Variants in IRAK3 observed in about 807,000 individuals in gnomAD.
The protein encoded by IRAK3 is interleukin-1 receptor-associated kinase 3.
In IRAK3, 57 loss-of-function variants were observed where a neutral mutation model predicts 56.6. The observed-to-expected ratio is 1.01, with a 90% CI of 0.81 to 1.26. The LOEUF (loss-of-function observed/expected upper bound fraction) is 1.26. Ranked by LOEUF, IRAK3 falls within the 50% of genes most tolerant of loss-of-function variation. The pLI is 0.00. For synonymous variants in IRAK3, 258 were observed against 255.7 expected, an observed-to-expected ratio of 1.01 and a Z score of -0.09; for missense variants, 703 against 719.0, an observed-to-expected ratio of 0.98 and a Z score of 0.25.
intron 6 of IRAK3, among the ~76,000 whole-genome samples, chr12:66,223,941 G>T (rs1259263067): frequency 4.6e-5 from 7 of 151,566 alleles, no homozygotes. Context: ...ACATTTATTT[G>T]TCTGATCCAT....
At position 66,247,759 on chromosome 12, in the gene IRAK3, T is replaced by G. The variant is rs893277456; in HGVS notation, c.1379T>G (p.Leu460Arg). The G allele has an allele frequency of 1.9e-6, 3 of 1,614,064 alleles. No individual in the cohort carries two copies. Among genetic ancestry groups the G allele is most frequent in the African/African-American group, 2.7e-5 (2 of 74,934 alleles). Residue 460 changes from leucine to arginine, a missense_variant, in exon 12 of 12, where the codon CTA (leucine) becomes CGA (arginine). Transcript: ENST00000261233. ...TTTGCTGAAGATCCTCCCACATCAC[T>G]AAAGTCCTTCAGGTGTCCTTCTCCT... Reference protein sequence around the residue: ...LYFAEDPPTSLKSFRCPSPLF... With the variant: ...LYFAEDPPTSRKSFRCPSPLF...
intron 8 of IRAK3, chr12:66,235,353 G>C (rs1020284543): frequency 5.8e-5 from 60 of 1,041,760 alleles, no homozygotes; most frequent in Admixed American, 4.5e-4. Context: ...CTCGCCGCGA[G>C]GGGGAGGACG....
chr12:66,238,413 A>G (rs533422180), intron 8 of IRAK3, among the ~76,000 whole-genome samples: 1 of 152,150 alleles, frequency 6.6e-6, no homozygotes, highest in Non-Finnish European at 1.5e-5. Context: ...AGGCTTACAG[A>G]GATTAGTGAC....
In IRAK3 at chr12:66,253,803, T is replaced by C. The variant is rs140692704; in HGVS notation, c.*5632T>C. The C allele has an allele frequency of 5.3e-5, 8 of 151,528 alleles. No homozygotes were observed. The East Asian group carries it at 1.5e-3, about 29-fold the overall frequency. 9.4% of individuals were successfully genotyped at this position (151,528 alleles called of 1,614,324 possible). ...AAACAACCTATTGAGCCGGTTTCCA[T>C]TTCCTTGATCTATTAGATTTAAAAA... On this transcript the variant is annotated 3_prime_UTR_variant, in exon 12 of 12. Transcript: ENST00000261233.
At chr12:66,224,120 A>G (rs2052763012) in intron 6 of IRAK3, among the ~76,000 whole-genome samples, 1 of 152,014 alleles carries the variant, frequency 6.6e-6, no homozygotes, top group Non-Finnish European at 1.5e-5. Flanking sequence ...TATTTTGCTA[A>G]TATTTATTTT....
Position 66,209,100 on chromosome 12 carries a change from T to G in IRAK3, c.317-356T>G, listed in dbSNP as rs577197942. On this transcript the variant is annotated intron_variant, in intron 2 of 11. Transcript: ENST00000261233. ...AAAAAAAAAAAAAGGCTGATAATTT[T>G]TTTTAAATTTTCTTCTTTGTGCTTT... 3.7e-4 allele frequency among the ~76,000 whole-genome samples: 56 copies of G among 151,860 alleles called. 1 individual carries two copies. In the South Asian group the frequency reaches 0.012, roughly 31 times the overall value.
In IRAK3 at chr12:66,248,109, G is replaced by A. The variant is rs1469097756; in HGVS notation, c.1729G>A (p.Val577Met). ...AGGGCATTCTTGCAGGAGCAGGCCA[G>A]TGGAGAGCAGCTGTTCCTCCAAATT... is the stretch of plus-strand genomic sequence containing the variant. Reference protein sequence around the residue: ...APGHSCRSRPVESSCSSKFSW... With the variant: ...APGHSCRSRPMESSCSSKFSW... The change falls in exon 12 of 12, where the codon GTG becomes ATG. Residue 577 changes from valine to methionine, a missense_variant. Val to Met is a conservative substitution (Grantham distance 21). Transcript: ENST00000261233. The A allele has an allele frequency of 1.2e-6, 2 of 1,610,900 alleles. No homozygotes were observed. The highest frequency in any genetic ancestry group is 8.5e-7 in the Non-Finnish European group (1 of 1,178,730).
intron 8 of IRAK3, among the ~76,000 whole-genome samples, chr12:66,242,133 C>G (rs1191616115): frequency 6.6e-6 from 1 of 152,162 alleles, no homozygotes; most frequent in Non-Finnish European, 1.5e-5. Flanking sequence ...CCATTCAGAA[C>G]ATTCCCACCC....
intron 6 of IRAK3, among the ~76,000 whole-genome samples, chr12:66,219,255 C>G (rs1168648): frequency 0.63 from 95,596 of 152,058 alleles, 30,379 homozygotes; most frequent in Admixed American, 0.68. Flanking sequence ...AAATCTCATC[C>G]TGAATATACT....
At chr12:66,230,405 T>C (rs929859451) in intron 8 of IRAK3, among the ~76,000 whole-genome samples, 1 of 152,082 alleles carries the variant, frequency 6.6e-6, no homozygotes, top group African/African-American at 2.4e-5. Flanking sequence ...ATTATTGTCA[T>C]AGAGGCCTCA....
intron 6 of IRAK3, among the ~76,000 whole-genome samples, chr12:66,218,408 T>G (rs2052698747): frequency 6.6e-6 from 1 of 152,136 alleles, no homozygotes; most frequent in African/African-American, 2.4e-5. Context: ...CTTATTTGAG[T>G]ATATCTGTAA....
Position 66,247,820 on chromosome 12 carries a change from A to T in IRAK3, c.1440A>T (p.Glu480Asp). The T allele has an allele frequency of 1.2e-6, 2 of 1,614,116 alleles. No homozygotes were observed. Among genetic ancestry groups the T allele is most frequent in the Non-Finnish European group, 1.7e-6 (2 of 1,179,970 alleles). The change falls in exon 12 of 12, where the codon GAA becomes GAT. Residue 480 changes from glutamate to aspartate, a missense_variant. Glu to Asp is a conservative substitution (Grantham distance 45). Coordinates refer to ENST00000261233, the MANE Select transcript of IRAK3 (RefSeq NM_007199.3). ...FLENVPSIPV[E>D]DDESQNNNLL... ...AGAATGTACCAAGTATTCCAGTGGA[A>T]GATGATGAAAGCCAGAATAACAATT...
At chr12:66,212,742 C>T (rs999432034) in intron 5 of IRAK3, among the ~76,000 whole-genome samples, 1 of 152,122 alleles carries the variant, frequency 6.6e-6, no homozygotes, top group African/African-American at 2.4e-5. Context: ...ATGAATGAAG[C>T]TGGAAACCAT....
Position 66,251,205 on chromosome 12 carries a change from C to T in IRAK3, c.*3034C>T, listed in dbSNP as rs893735084. 1 of 152,164 alleles carries T rather than the reference C, an allele frequency of 6.6e-6. No homozygotes were observed. Among genetic ancestry groups the T allele is most frequent in the African/African-American group, 2.4e-5 (1 of 41,432 alleles). The allele number at this position is 152,164 out of a possible 1,614,324, so 9.4% of individuals were successfully genotyped here. On this transcript the variant is annotated 3_prime_UTR_variant, in exon 12 of 12. Transcript: ENST00000261233. ...GATAAGCTGGCAGTGACCTGATTAA[C>T]GTTGTGGTAAGCAGATGCCACTGTG... is the stretch of plus-strand genomic sequence containing the variant.
At position 66,248,504 on chromosome 12, in the gene IRAK3, T is replaced by A. The variant is rs1565814137; in HGVS notation, c.*333T>A. On this transcript the variant is annotated 3_prime_UTR_variant, in exon 12 of 12. Transcript: ENST00000261233. ...AAAGGGACTGGATTGTAATGTCCTC[T>A]CCATCATCCTCAGTGTGAGTCCTCA... 2 of 202,922 alleles carry A rather than the reference T, an allele frequency of 9.9e-6. No individual in the cohort carries two copies. The highest frequency in any genetic ancestry group is 2.0e-4 in the South Asian group (2 of 9,940). 12.6% of individuals were successfully genotyped at this position (202,922 alleles called of 1,614,324 possible). A position where few individuals can be genotyped will look rare whatever the true frequency, so the allele number is the denominator to read the frequency against.
At chr12:66,240,418 A>G (rs1592601820) in intron 8 of IRAK3, among the ~76,000 whole-genome samples, 1 of 152,172 alleles carries the variant, frequency 6.6e-6, no homozygotes, top group East Asian at 1.9e-4. Context: ...TGGGGATGAA[A>G]AAGAAAGCTC....
At chr12:66,230,050 T>C (rs1333881058) in intron 8 of IRAK3, among the ~76,000 whole-genome samples, 1 of 152,088 alleles carries the variant, frequency 6.6e-6, no homozygotes, top group African/African-American at 2.4e-5. Context: ...TGATGGGAGA[T>C]GGGGACAGAG....
In IRAK3 at chr12:66,189,448, C is replaced by T; in HGVS notation, c.133+16C>T. On this transcript the variant is annotated intron_variant, in intron 1 of 11. Coordinates refer to ENST00000261233, the MANE Select transcript of IRAK3 (RefSeq NM_007199.3). ...CGCGGCCTGGGTGAGTCGGCGGGGA[C>T]CGGCCGGGGGCGGCGGGGGAGCCCA... The T allele has an allele frequency of 8.2e-7, 1 of 1,220,716 alleles. No homozygotes were observed. Among genetic ancestry groups the T allele is most frequent in the Non-Finnish European group, 1.0e-6 (1 of 978,960 alleles). The allele number at this position is 1,220,716 out of a possible 1,614,324, so 75.6% of individuals were successfully genotyped here.
rs114599695 is a variant in IRAK3 at position 66,200,498 on chromosome 12, T to C, written c.134-3213T>C. 2.1e-3 allele frequency among the ~76,000 whole-genome samples: 325 copies of C among 152,192 alleles called. 2 individuals carry two copies. The highest frequency in any genetic ancestry group is 7.6e-3 in the African/African-American group (317 of 41,512). ...GGAGATGGAATCCTCTATGATGGGA[T>C]AGAGGGTTGGAAGTATTGGCAGCAC... On this transcript the variant is annotated intron_variant, in intron 1 of 11. Coordinates refer to ENST00000261233, the MANE Select transcript of IRAK3 (RefSeq NM_007199.3).
Sources: allele counts gnomAD v4.1 joint callset (sites outside exome capture counted in the v4.1 genomes callset), GRCh38; gene constraint gnomAD v4.1.1; transcripts MANE v1.5; gene names NCBI Gene and HGNC (gene_info 2026-07-23, HGNC 2026-07-21).